CNTNAP2: variants seen among roughly 807,000 people sequenced by gnomAD.
CNTNAP2 encodes the protein contactin associated protein 2.
Under a neutral mutation model 155.2 loss-of-function variants are expected in CNTNAP2, and 98 were observed. That is an observed-to-expected ratio of 0.63 (90% CI 0.54 to 0.75). The LOEUF (loss-of-function observed/expected upper bound fraction) is 0.75. Ranked by LOEUF, CNTNAP2 falls within the 30% of genes least tolerant of loss-of-function variation. The pLI, the probability that CNTNAP2 is intolerant of heterozygous loss-of-function variation, is 0.00. For missense variants in CNTNAP2, 1,727 were observed against 1,688.1 expected (o/e 1.02, Z -0.40); for synonymous variants, 651 against 631.2 (o/e 1.03, Z -0.47).
intron 1 of CNTNAP2, among the ~76,000 whole-genome samples, chr7:146,340,286 GT>G (rs548459768): frequency 2.2e-3 from 209 of 93,812 alleles, no homozygotes; most frequent in Middle Eastern, 6.0e-3. Context: ...TGTTGTTGTT[GT>G]TTTTTTTTTT....
At chr7:147,176,236 C>A (rs1802335665) in intron 8 of CNTNAP2, among the ~76,000 whole-genome samples, 1 of 152,134 alleles carries the variant, frequency 6.6e-6, no homozygotes, top group South Asian at 2.1e-4. Context: ...GATCCATTTA[C>A]CTCATCAGTT....
At chr7:146,567,116 G>A (rs923412379) in intron 1 of CNTNAP2, among the ~76,000 whole-genome samples, 1 of 152,086 alleles carries the variant, frequency 6.6e-6, no homozygotes, top group Non-Finnish European at 1.5e-5. Flanking sequence ...ATGAAATTGA[G>A]AACAGACTTC....
chr7:146,634,815 G>A (rs774127272), intron 1 of CNTNAP2, among the ~76,000 whole-genome samples: 4 of 152,060 alleles, frequency 2.6e-5, no homozygotes, highest in African/African-American at 4.8e-5. Flanking sequence ...TCTTAAAATC[G>A]CAAACTCAGG....
chr7:146,636,307 G>A (rs1403993011), intron 1 of CNTNAP2, among the ~76,000 whole-genome samples: 1 of 151,982 alleles, frequency 6.6e-6, no homozygotes, highest in Non-Finnish European at 1.5e-5. Context: ...GAATTTTATG[G>A]CATGTAAGTT....
intron 1 of CNTNAP2, among the ~76,000 whole-genome samples, chr7:146,730,265 A>C (rs1801502374): frequency 6.6e-6 from 1 of 152,166 alleles, no homozygotes; most frequent in African/African-American, 2.4e-5. Flanking sequence ...CTCCAATAAA[A>C]ATTATTGGTT....
chr7:147,430,689 A>C (rs1233909869), intron 10 of CNTNAP2, among the ~76,000 whole-genome samples: 1 of 152,194 alleles, frequency 6.6e-6, no homozygotes. Flanking sequence ...CATTATGATG[A>C]GTCCAACTAG....
chr7:146,823,154 A>C (rs1057441700), intron 2 of CNTNAP2, among the ~76,000 whole-genome samples: 4 of 144,580 alleles, frequency 2.8e-5, no homozygotes, highest in African/African-American at 1.0e-4. Flanking sequence ...TTTACATGGA[A>C]ATATACTCAT....
intron 3 of CNTNAP2, chr7:146,963,304 T>C (rs1797590924): frequency 6.6e-6 from 1 of 152,238 alleles, no homozygotes; most frequent in Non-Finnish European, 1.5e-5. Context: ...ATTTTACTTG[T>C]CTTTGTTTGA....
At chr7:148,233,159 T>C (rs1244696545) in intron 20 of CNTNAP2, among the ~76,000 whole-genome samples, 2 of 152,250 alleles carry the variant, frequency 1.3e-5, no homozygotes, top group African/African-American at 2.4e-5. Context: ...TGAAAAATTA[T>C]GTCAATTAGC....
chr7:147,932,188 G>T (rs1293922409), intron 14 of CNTNAP2, among the ~76,000 whole-genome samples: 1 of 152,066 alleles, frequency 6.6e-6, no homozygotes, highest in African/African-American at 2.4e-5. Flanking sequence ...GCCCGCCCCA[G>T]CATTTTTTAC....
intron 15 of CNTNAP2, among the ~76,000 whole-genome samples, chr7:148,108,535 T>C (rs1804274430): frequency 6.6e-6 from 1 of 152,128 alleles, no homozygotes. Flanking sequence ...CTGTCAATCC[T>C]GGGGTTTGCT....
In CNTNAP2 at chr7:147,318,673, G is replaced by A. The variant is rs569888653; in HGVS notation, c.1498+18383G>A. Among the ~76,000 whole-genome samples, 439 of 152,030 alleles carry A rather than the reference G, an allele frequency of 2.9e-3. 5 individuals carry two copies. Among genetic ancestry groups the A allele is most frequent in the African/African-American group, 0.01 (417 of 41,454 alleles). On this transcript the variant is annotated intron_variant, in intron 9 of 23. Transcript: ENST00000361727. The stretch of plus-strand genomic sequence containing the variant: ...ACACTGGGGCCTATCGGGAGGTGGG[G>A]GGCAAGGGGAGGGAGAGCAATAGGA...
chr7:147,879,675 T>C (rs1402913462), intron 13 of CNTNAP2, among the ~76,000 whole-genome samples: 1 of 152,190 alleles, frequency 6.6e-6, no homozygotes, highest in East Asian at 1.9e-4. Flanking sequence ...TTCTCCCACA[T>C]CTGCATGAAA....
intron 12 of CNTNAP2, among the ~76,000 whole-genome samples, chr7:147,594,690 A>G (rs553353199): frequency 6.6e-6 from 1 of 152,234 alleles, no homozygotes; most frequent in African/African-American, 2.4e-5. Context: ...TGAGCCTTAA[A>G]CTAGGCTTTT....
intron 13 of CNTNAP2, among the ~76,000 whole-genome samples, chr7:147,650,670 T>A (rs1047112680): frequency 6.6e-6 from 1 of 152,198 alleles, no homozygotes; most frequent in African/African-American, 2.4e-5. Flanking sequence ...TGGCTGTTTA[T>A]GTTATCTGTA....
At chr7:147,539,099 G>A (rs997562142) in intron 11 of CNTNAP2, among the ~76,000 whole-genome samples, 1 of 151,866 alleles carries the variant, frequency 6.6e-6, no homozygotes, top group Non-Finnish European at 1.5e-5. Flanking sequence ...TAAGCCAATA[G>A]GTTCTTATTT....
rs533845450 is a variant in CNTNAP2 at position 147,879,066 on chromosome 7, C to T, written c.2099-24499C>T. ...CTTTCGGCCTCAGTGATGTAGTAAA[C>T]GGTAATTTTGCAATCCTTACAAATT... On this transcript the variant is annotated intron_variant, in intron 13 of 23. Coordinates refer to ENST00000361727, the MANE Select transcript of CNTNAP2 (RefSeq NM_014141.6). Among the ~76,000 whole-genome samples, 7 of 152,254 alleles carry T rather than the reference C, an allele frequency of 4.6e-5. No individual in the cohort carries two copies. The South Asian group carries it at 8.3e-4, about 18-fold the overall frequency.
chr7:146,739,172 T>C (rs2129180751), intron 1 of CNTNAP2, among the ~76,000 whole-genome samples: 1 of 152,126 alleles, frequency 6.6e-6, no homozygotes, highest in Middle Eastern at 3.4e-3. Context: ...ATCTTTCTAC[T>C]AACTTTGGAC....
At chr7:148,048,756 A>G (rs1408647565) in intron 15 of CNTNAP2, among the ~76,000 whole-genome samples, 2 of 152,118 alleles carry the variant, frequency 1.3e-5, no homozygotes, top group Admixed American at 6.5e-5. Context: ...ACCTTGGCCA[A>G]TGGCTGGAGC....
Sources: gnomAD v4.1 joint callset for allele counts (sites outside exome capture counted in the v4.1 genomes callset) on GRCh38, gnomAD v4.1.1 for gene constraint, MANE v1.5 for transcripts, NCBI Gene and HGNC (gene_info 2026-07-23, HGNC 2026-07-21) for gene names.